DCDC2: variants seen among roughly 807,000 people sequenced by gnomAD.
The protein encoded by DCDC2 is doublecortin domain-containing protein 2.
A neutral mutation model predicts 50.2 loss-of-function variants in DCDC2; 40 were observed. The ratio of observed to expected loss-of-function variants is 0.80; its 90% CI spans 0.62 to 1.04. DCDC2 has a LOEUF of 1.04. Ranked by LOEUF, DCDC2 falls within the 50% of genes least tolerant of loss-of-function variation. The pLI, the probability that DCDC2 is intolerant of heterozygous loss-of-function variation, is 0.00. For missense variants in DCDC2, 570 were observed against 581.9 expected (o/e 0.98, Z 0.21); for synonymous variants, 234 against 210.6 (o/e 1.11, Z -0.96).
At chr6:24,227,560 G>A (rs1012488498) in intron 7 of DCDC2, among the ~76,000 whole-genome samples, 21 of 152,194 alleles carry the variant, frequency 1.4e-4, no homozygotes, top group African/African-American at 4.6e-4. Context: ...GGACAGATCT[G>A]AGACAGGCCA....
At chr6:24,302,967 C>T (rs3846829) in intron 2 of DCDC2, among the ~76,000 whole-genome samples, 22,914 of 151,898 alleles carry the variant, frequency 0.15, 2,441 homozygotes, top group East Asian at 0.52. Context: ...AACTTTCCTT[C>T]CCTCCACAAC....
At chr6:24,292,135 G>C (rs983458591) in intron 4 of DCDC2, among the ~76,000 whole-genome samples, 1 of 152,076 alleles carries the variant, frequency 6.6e-6, no homozygotes, top group African/African-American at 2.4e-5. Flanking sequence ...TAAAAGAACA[G>C]TCATAATTTT....
intron 7 of DCDC2, among the ~76,000 whole-genome samples, chr6:24,217,700 G>A (rs1048881534): frequency 2.6e-5 from 4 of 152,086 alleles, no homozygotes; most frequent in African/African-American, 9.7e-5. Context: ...GCTTTGACTT[G>A]CTTTAAACAA....
chr6:24,270,947 C>A (rs984479888), intron 7 of DCDC2, among the ~76,000 whole-genome samples: 5 of 152,102 alleles, frequency 3.3e-5, no homozygotes, highest in Admixed American at 6.5e-5. Context: ...CCTGGCAGGG[C>A]ACAGTGGCTT....
At chr6:24,244,770 C>T (rs1300807778) in intron 7 of DCDC2, among the ~76,000 whole-genome samples, 1 of 152,210 alleles carries the variant, frequency 6.6e-6, no homozygotes, top group Non-Finnish European at 1.5e-5. Flanking sequence ...CTTTCCTCCA[C>T]GTGAAAACTC....
intron 8 of DCDC2, among the ~76,000 whole-genome samples, chr6:24,200,442 AC>A (rs1187756155): frequency 1.3e-5 from 2 of 152,216 alleles, no homozygotes; most frequent in African/African-American, 4.8e-5. Context: ...AAAATCCTTT[AC>A]AGGCGAGTAA....
chr6:24,229,774 T>G (rs1484877222), intron 7 of DCDC2, among the ~76,000 whole-genome samples: 1 of 152,170 alleles, frequency 6.6e-6, no homozygotes, highest in Non-Finnish European at 1.5e-5. Context: ...CTTACATTAT[T>G]TTATACTCAC....
chr6:24,192,009 G>A (rs1761324242), intron 8 of DCDC2, among the ~76,000 whole-genome samples: 1 of 152,138 alleles, frequency 6.6e-6, no homozygotes, highest in East Asian at 1.9e-4. Context: ...AAATAAGGGG[G>A]ATAGATAACT....
intron 2 of DCDC2, among the ~76,000 whole-genome samples, chr6:24,341,493 G>A (rs1760152848): frequency 7.1e-6 from 1 of 141,342 alleles, no homozygotes; most frequent in Non-Finnish European, 1.5e-5. Context: ...AATCAGCCAA[G>A]TGCAAATAGA....
intron 7 of DCDC2, among the ~76,000 whole-genome samples, chr6:24,230,710 C>G (rs536408096): frequency 2.0e-5 from 3 of 152,180 alleles, no homozygotes; most frequent in Admixed American, 2.0e-4. Context: ...AGAGGGGAGA[C>G]TGTTCCAGAC....
chr6:24,361,893 C>T (rs573050098), upstream of DCDC2, among the ~76,000 whole-genome samples: 2 of 152,186 alleles, frequency 1.3e-5, no homozygotes, highest in South Asian at 4.1e-4. Flanking sequence ...CCAGATGTCT[C>T]TTGGATATGA....
chr6:24,234,883 C>T (rs1188309576), intron 7 of DCDC2, among the ~76,000 whole-genome samples: 1 of 152,096 alleles, frequency 6.6e-6, no homozygotes, highest in East Asian at 1.9e-4. Context: ...TTAGATACCA[C>T]ATAGATAGCA....
intron 5 of DCDC2, among the ~76,000 whole-genome samples, chr6:24,290,221 C>A (rs1430695741): frequency 6.6e-6 from 1 of 151,368 alleles, no homozygotes; most frequent in Non-Finnish European, 1.5e-5. Flanking sequence ...TCTCGATCTC[C>A]TGACCTCGTG....
chr6:24,306,499 T>C (rs955789242), intron 2 of DCDC2, among the ~76,000 whole-genome samples: 1 of 61,778 alleles, frequency 1.6e-5, no homozygotes, highest in Non-Finnish European at 3.3e-5. Flanking sequence ...GGAGATTAGA[T>C]AGATAGATAG....
chr6:24,358,857 TAA>T (rs1431215496), upstream of DCDC2, among the ~76,000 whole-genome samples: 17 of 40,120 alleles, frequency 4.2e-4, 1 homozygote, highest in African/African-American at 1.9e-3. Flanking sequence ...ATATTATATA[TAA>T]TATATATAAT....
chr6:24,218,544 G>A (rs566585101), intron 7 of DCDC2, among the ~76,000 whole-genome samples: 1 of 152,308 alleles, frequency 6.6e-6, no homozygotes, highest in South Asian at 2.1e-4. Context: ...CAGGGCTTGA[G>A]TGCAGTGGCA....
At chr6:24,203,950 G>A (rs1761647562) in intron 8 of DCDC2, among the ~76,000 whole-genome samples, 1 of 152,116 alleles carries the variant, frequency 6.6e-6, no homozygotes, top group Non-Finnish European at 1.5e-5. Flanking sequence ...ACCATCTCAT[G>A]CCACTTAGAA....
At chr6:24,238,004 C>T (rs543917873) in intron 7 of DCDC2, among the ~76,000 whole-genome samples, 297 of 147,902 alleles carry the variant, frequency 2.0e-3, no homozygotes, top group African/African-American at 7.1e-3. Context: ...TTCAGATGTA[C>T]CCCAAACCAT....
Position 24,197,560 on chromosome 6 carries a change from T to C in DCDC2, c.1023+7442A>G, listed in dbSNP as rs549560441. On this transcript the variant is annotated intron_variant, in intron 8 of 9. Transcript: ENST00000378454. Reference sequence around the variant, plus strand: ...TCCCTCAGGAAAAAATACCTATAACTGGAGTTTATGAAAAATTATTAGTTA... The same window carrying C: ...TCCCTCAGGAAAAAATACCTATAACCGGAGTTTATGAAAAATTATTAGTTA... 5.9e-5 allele frequency among the ~76,000 whole-genome samples: 9 copies of C among 152,324 alleles called. No homozygotes were observed. The East Asian group carries it at 1.7e-3, about 29-fold the overall frequency.
Sources: gnomAD v4.1 joint callset for allele counts (sites outside exome capture counted in the v4.1 genomes callset) on GRCh38, gnomAD v4.1.1 for gene constraint, MANE v1.5 for transcripts, NCBI Gene and HGNC (gene_info 2026-07-23, HGNC 2026-07-21) for gene names.